HKDC1: variants seen among roughly 807,000 people sequenced by gnomAD.
The protein encoded by HKDC1 is hexokinase domain containing 1.
Under a neutral mutation model 96.6 loss-of-function variants are expected in HKDC1, and 66 were observed. That is an observed-to-expected ratio of 0.68 (90% confidence interval 0.56 to 0.84). The LOEUF is 0.84. HKDC1 is among the 40% of genes least tolerant of loss of function. The pLI, the probability that HKDC1 is intolerant of heterozygous loss-of-function variation, is 0.00. For missense variants in HKDC1, 1,211 were observed against 1,208.1 expected, an observed-to-expected ratio of 1.00 and a Z score of -0.04; for synonymous variants, 466 against 473.1, an observed-to-expected ratio of 0.98 and a Z score of 0.20.
chr10:69,233,157 G>A, intron 4 of HKDC1, 24 bp downstream of exon 4: 1 of 1,612,552 alleles, frequency 6.2e-7, no homozygotes, highest in Non-Finnish European at 8.5e-7. Flanking sequence ...GGAAGCAGCA[G>A]TGCAGGAATT....
At position 69,248,616 on chromosome 10, in the gene HKDC1, C is replaced by T. The variant is rs766357881; in HGVS notation, c.1458C>T (p.Asp486=). 28 of 1,614,008 alleles carry T rather than the reference C, an allele frequency of 1.7e-5. No individual in the cohort carries two copies. The highest frequency in any genetic ancestry group is 4.4e-5 in the South Asian group (4 of 91,080). ...LFQLTREQLV[D]VQAKMRAELE... Reference sequence around the variant, plus strand: ...AGCTGACCCGAGAGCAGCTCGTGGACGTGCAGGCCAAGATGCGGGCTGAGC... The same window carrying T: ...AGCTGACCCGAGAGCAGCTCGTGGATGTGCAGGCCAAGATGCGGGCTGAGC... The change falls in exon 10 of 18, where the codon GAC becomes GAT. Residue 486 remains aspartate, a synonymous_variant. Transcript: ENST00000354624.
chr10:69,223,403 A>G (rs4746823), intron 1 of HKDC1, among the ~76,000 whole-genome samples: 40,679 of 151,942 alleles, frequency 0.27, 6,180 homozygotes, highest in Non-Finnish European at 0.35. Context: ...TCCCTCACTT[A>G]CTGTTACAGT....
At chr10:69,226,782 A>G (rs1246003572) in intron 1 of HKDC1, among the ~76,000 whole-genome samples, 4 of 152,232 alleles carry the variant, frequency 2.6e-5, no homozygotes, top group African/African-American at 9.6e-5. Context: ...TGTGGTCATC[A>G]TTGGATGAAA....
rs550562997 is a variant in HKDC1 at position 69,244,029 on chromosome 10, C to T, written c.875+664C>T. 4.6e-5 allele frequency among the ~76,000 whole-genome samples: 7 copies of T among 151,886 alleles called. No homozygotes were observed. In the South Asian group the frequency reaches 8.3e-4, roughly 18 times the overall value. ...GCAGTGAGGAGAAGGCAGGCACAGCCGAACTCGTCGTGTTCGCATGTCCCC... is the reference window on the plus strand; with the variant it reads ...GCAGTGAGGAGAAGGCAGGCACAGCTGAACTCGTCGTGTTCGCATGTCCCC... On this transcript the variant is annotated intron_variant, in intron 7 of 17. Transcript: ENST00000354624.
intron 6 of HKDC1, among the ~76,000 whole-genome samples, chr10:69,242,835 G>A (rs1475908810): frequency 6.6e-6 from 1 of 152,170 alleles, no homozygotes; most frequent in Non-Finnish European, 1.5e-5. Flanking sequence ...AAATTACCCT[G>A]GGTTGGTGAT....
At chr10:69,220,821 C>T (rs1589398455) in intron 1 of HKDC1, among the ~76,000 whole-genome samples, 1 of 152,084 alleles carries the variant, frequency 6.6e-6, no homozygotes, top group African/African-American at 2.4e-5. Flanking sequence ...GCCACAAAGG[C>T]GAGGAGAATC....
chr10:69,261,422 G>A (rs1843808969), intron 16 of HKDC1, 128 bp downstream of exon 16: 1 of 794,516 alleles, frequency 1.3e-6, no homozygotes, highest in Non-Finnish European at 2.0e-6. Flanking sequence ...TTGCCTCCTG[G>A]GGCTGCTCTT....
chr10:69,233,632 C>A (rs890652945), intron 4 of HKDC1, among the ~76,000 whole-genome samples: 8 of 149,436 alleles, frequency 5.4e-5, no homozygotes, highest in African/African-American at 2.0e-4. Context: ...GGCGCGGTGG[C>A]TCACGCCTAT....
chr10:69,240,340 T>G (rs538245218), intron 5 of HKDC1, among the ~76,000 whole-genome samples: 1 of 152,028 alleles, frequency 6.6e-6, no homozygotes, highest in East Asian at 1.9e-4. Flanking sequence ...AAAATAAAAT[T>G]TTTTAAATTA....
intron 2 of HKDC1, chr10:69,232,550 G>T (rs1265999664): frequency 8.7e-6 from 5 of 576,708 alleles, no homozygotes; most frequent in East Asian, 2.9e-5. Flanking sequence ...GGCTCAGGCT[G>T]CAGAGTCAGG....
At chr10:69,233,897 C>CAAAAAA (rs1442651608) in intron 4 of HKDC1, among the ~76,000 whole-genome samples, 2 of 61,466 alleles carry the variant, frequency 3.3e-5, no homozygotes, top group Admixed American at 2.3e-4. Flanking sequence ...GACTCCGTCT[C>CAAAAAA]AAAAAAAAAA....
In HKDC1 at chr10:69,250,619, C is replaced by T. The variant is rs5030948; in HGVS notation, c.1803C>T (p.Phe601=). ...KGASLPLGFT[F]SFPCRQMSID... ...CCTCCCTACCTTTGGGCTTCACATT[C>T]TCATTTCCCTGCAGGCAGATGAGCA... The change falls in exon 12 of 18, where the codon TTC becomes TTT. Residue 601 remains phenylalanine (F), a synonymous_variant. Coordinates refer to ENST00000354624, the MANE Select transcript of HKDC1 (RefSeq NM_025130.4). 382,848 of 1,613,516 alleles carry T rather than the reference C, an allele frequency of 0.24. 48,635 individuals carry two copies. The highest frequency in any genetic ancestry group is 0.26 in the Non-Finnish European group (303,871 of 1,179,738).
chr10:69,221,480 T>C (rs1843063151), intron 1 of HKDC1, among the ~76,000 whole-genome samples: 1 of 151,950 alleles, frequency 6.6e-6, no homozygotes, highest in Non-Finnish European at 1.5e-5. Context: ...GCAAAAAGCA[T>C]CTCTCAAAGT....
intron 2 of HKDC1, 123 bp from the exon 3 acceptor site, chr10:69,232,641 A>G (rs2132339483): frequency 2.2e-6 from 2 of 906,322 alleles, no homozygotes; most frequent in Non-Finnish European, 3.5e-6. Context: ...TTGGCAAATG[A>G]GCATAATGAT....
intron 17 of HKDC1, 73 bp downstream of exon 17, chr10:69,265,891 T>A: frequency 9.3e-7 from 1 of 1,072,454 alleles, no homozygotes; most frequent in Non-Finnish European, 1.4e-6. Context: ...TGGCATAGCC[T>A]CCTGAACTGC....
intron 14 of HKDC1, 121 bp downstream of exon 14, chr10:69,257,547 G>A (rs1358934281): frequency 1.2e-6 from 1 of 814,860 alleles, no homozygotes; most frequent in Non-Finnish European, 2.1e-6. Context: ...AGGCAGAGAT[G>A]AAGTTACAAT....
intron 15 of HKDC1, among the ~76,000 whole-genome samples, chr10:69,259,749 G>A (rs1278974239): frequency 6.6e-6 from 1 of 152,128 alleles, no homozygotes; most frequent in Non-Finnish European, 1.5e-5. Flanking sequence ...TGGAGAAGGA[G>A]GAAGAAAGAG....
chr10:69,230,090 G>A (rs971424178), intron 2 of HKDC1, among the ~76,000 whole-genome samples: 10 of 152,168 alleles, frequency 6.6e-5, no homozygotes, highest in Non-Finnish European at 1.3e-4. Context: ...ACCTATCTGC[G>A]AGGGAGTCAC....
chr10:69,228,307 C>A (rs770181314), intron 2 of HKDC1, among the ~76,000 whole-genome samples: 1 of 152,128 alleles, frequency 6.6e-6, no homozygotes, highest in Non-Finnish European at 1.5e-5. Context: ...CCTGTGATCA[C>A]GTTAGTCATG....
Sources: gnomAD v4.1 joint callset for allele counts (sites outside exome capture counted in the v4.1 genomes callset) on GRCh38, gnomAD v4.1.1 for gene constraint, MANE v1.5 for transcripts, NCBI Gene and HGNC (gene_info 2026-07-23, HGNC 2026-07-21) for gene names.